Variants in MACF1 observed in about 807,000 individuals in gnomAD.
MACF1 encodes the protein microtubule-actin cross-linking factor 1.
Under a neutral mutation model 854.8 loss-of-function variants are expected in MACF1, and 193 were observed. The ratio of observed to expected loss-of-function variants is 0.23; its 90% CI spans 0.20 to 0.25. The LOEUF (loss-of-function observed/expected upper bound fraction) is 0.25, where lower values mean the gene tolerates loss of function less well. MACF1 is among the 10% of genes least tolerant of loss of function. The pLI is 1.00. For synonymous variants in MACF1, 3,185 were observed against 3,226.7 expected (o/e 0.99, Z 0.44); for missense variants, 7,722 against 8,929.1 (o/e 0.86, Z 5.45).
At chr1:39,417,420 A>G (rs1462197790) in intron 58 of MACF1, among the ~76,000 whole-genome samples, 1 of 152,202 alleles carries the variant, frequency 6.6e-6, no homozygotes, top group East Asian at 1.9e-4. Flanking sequence ...TTAAGCAAAA[A>G]TTGGAGAGCA....
Position 39,468,655 on chromosome 1 carries a change from G to T in MACF1, c.21812G>T (p.Arg7271Leu). 2 of 1,614,134 alleles carry T rather than the reference G, an allele frequency of 1.2e-6. No homozygotes were observed. Among genetic ancestry groups the T allele is most frequent in the Non-Finnish European group, 1.7e-6 (2 of 1,180,026 alleles). The change falls in exon 96 of 101, where the codon CGC (arginine) becomes CTC (leucine). Residue 7271 changes from arginine (R) to leucine (L), a missense_variant. Around this residue, in one of 15 missense-constraint regions of MACF1, gnomAD observed 153 missense variants for 342.5 expected, o/e 0.45. Transcript: ENST00000564288. ...SQQLRLVRIL[R>L]STVMVRVGGG... ...CAGTTGCGGCTGGTCCGTATTCTGC[G>T]CAGCACCGTGATGGTTCGCGTTGGT...
At chr1:39,398,498 C>T (rs576054670) in intron 58 of MACF1, among the ~76,000 whole-genome samples, 77 of 151,906 alleles carry the variant, frequency 5.1e-4, no homozygotes, top group African/African-American at 1.5e-3. Context: ...GTAAGTGCTG[C>T]GAAACAACCT....
At chr1:39,404,858 TGAA>T (rs1642632363) in intron 58 of MACF1, among the ~76,000 whole-genome samples, 1 of 152,306 alleles carries the variant, frequency 6.6e-6, no homozygotes. Context: ...TCTGTATATC[TGAA>T]ATCCTAATGA....
intron 2 of MACF1, among the ~76,000 whole-genome samples, chr1:39,171,325 A>G (rs1643946069): frequency 6.6e-6 from 1 of 151,938 alleles, no homozygotes; most frequent in African/African-American, 2.4e-5. Context: ...TGTACAGTTC[A>G]TTGACATTAA....
chr1:39,266,811 A>G (rs1468948461), intron 6 of MACF1, among the ~76,000 whole-genome samples: 1 of 152,040 alleles, frequency 6.6e-6, no homozygotes, highest in Admixed American at 6.5e-5. Context: ...GTCTTTTCCC[A>G]TATAGCAGAT....
At position 39,310,871 on chromosome 1, in the gene MACF1, G is replaced by A; in HGVS notation, c.3141G>A (p.Glu1047=). ...CTGTGGCCAAGATGTACATTTCAGAGTTGAAGAACATCCGGCTACGCCTGG... is the reference window on the plus strand; with the variant it reads ...CTGTGGCCAAGATGTACATTTCAGAATTGAAGAACATCCGGCTACGCCTGG... ...EETVAKMYIS[E]LKNIRLRLEE... is the part of the protein sequence containing the mutation. The change falls in exon 26 of 101, where the codon GAG becomes GAA. Residue 1047 remains glutamate, a synonymous_variant. Coordinates refer to ENST00000564288, the MANE Select transcript of MACF1 (RefSeq NM_001394062.1). 2 of 1,614,030 alleles carry A rather than the reference G, an allele frequency of 1.2e-6. No homozygotes were observed. The highest frequency in any genetic ancestry group is 1.7e-6 in the Non-Finnish European group (2 of 1,179,956).
At chr1:39,355,373 A>AT (rs1647450572) in intron 44 of MACF1, among the ~76,000 whole-genome samples, 2 of 151,902 alleles carry the variant, frequency 1.3e-5, no homozygotes, top group South Asian at 4.2e-4. Context: ...CCTAGGTGAT[A>AT]TACAGACAAG....
intron 2 of MACF1, among the ~76,000 whole-genome samples, chr1:39,238,065 G>A (rs780741484): frequency 1.5e-4 from 23 of 152,104 alleles, no homozygotes; most frequent in Non-Finnish European, 3.2e-4. Flanking sequence ...CCCTAAAAAC[G>A]ACTTCTCATG....
rs1645100630 is a variant in MACF1, at chr1:39,486,356, A to G, written c.*562A>G. On this transcript the variant is annotated 3_prime_UTR_variant, in exon 101 of 101. Transcript: ENST00000564288. ...GGAACCTCATCTAAGTAACATTTGC[A>G]CATGATACAGCAAAAGGAGTTCATT... is the stretch of plus-strand genomic sequence containing the variant. 6.5e-6 allele frequency: 1 copy of G among 152,692 alleles called. No individual in the cohort carries two copies. Among genetic ancestry groups the G allele is most frequent in the Non-Finnish European group, 1.5e-5 (1 of 68,046 alleles). 9.5% of individuals were successfully genotyped at this position (152,692 alleles called of 1,614,324 possible). A position where few individuals can be genotyped will look rare whatever the true frequency, so the allele number is the denominator to read the frequency against.
chr1:39,094,066 C>T (rs376791824), intron 2 of MACF1, among the ~76,000 whole-genome samples: 42 of 152,254 alleles, frequency 2.8e-4, no homozygotes, highest in Admixed American at 1.8e-3. Context: ...GCGTGAGCCA[C>T]GGTGCCCAGC....
At chr1:39,337,425 C>T (rs763102340) in intron 38 of MACF1, 94 bp downstream of exon 38, 5 of 1,290,024 alleles carry the variant, frequency 3.9e-6, no homozygotes, top group Non-Finnish European at 5.4e-6. Context: ...AACCTGCTTG[C>T]ACTCTATTCT....
chr1:39,315,688 A>C lies in MACF1; in HGVS notation c.3446A>C (p.Asn1149Thr), dbSNP rs770097340. 3 of 1,613,358 alleles carry C rather than the reference A, an allele frequency of 1.9e-6. No homozygotes were observed. The highest frequency in any genetic ancestry group is 1.7e-4 in the Middle Eastern group (1 of 6,014). Residue 1149 changes from asparagine (N) to threonine (T), a missense_variant, in exon 27 of 101, where the codon AAT becomes ACT. Asn to Thr is a moderately conservative substitution (Grantham distance 65). Transcript: ENST00000564288. ...TATGGTCTCTCTACTGTATATCTGAATAAGTGAGTGAGCTGAGGTTTTGGG... is the reference window on the plus strand; with the variant it reads ...TATGGTCTCTCTACTGTATATCTGACTAAGTGAGTGAGCTGAGGTTTTGGG... ...HVYGLSTVYL[N>T]KLKTVDVIVR...
chr1:39,251,915 C>A lies in MACF1; in HGVS notation c.331C>A (p.Gln111Lys). Residue 111 changes from glutamine (Q) to lysine (K), a missense_variant, in exon 4 of 101, where the codon CAG (glutamine) becomes AAG (lysine). Gln to Lys is a moderately conservative substitution (Grantham distance 53). This residue lies in a region of MACF1 where 82 missense variants were observed against 84.0 expected (regional missense o/e 0.98). Coordinates refer to ENST00000564288, the MANE Select transcript of MACF1 (RefSeq NM_001394062.1). ...CTGGTGCCATACAAACAACGAGGAG[C>A]AGGCGGAGGAAGATGATGATGATGT... ...PSWCHTNNEEQAEEDDDDVPR... is the reference protein window; with the variant it reads ...PSWCHTNNEEKAEEDDDDVPR... 1 of 1,517,936 alleles carries A rather than the reference C, an allele frequency of 6.6e-7. No individual in the cohort carries two copies. Among genetic ancestry groups the A allele is most frequent in the African/African-American group, 1.4e-5 (1 of 72,270 alleles). 94.0% of individuals were successfully genotyped at this position (1,517,936 alleles called of 1,614,324 possible). A position where few individuals can be genotyped will look rare whatever the true frequency, so the allele number is the denominator to read the frequency against.
chr1:39,201,016 C>T (rs1644384014), upstream of MACF1, among the ~76,000 whole-genome samples: 1 of 152,186 alleles, frequency 6.6e-6, no homozygotes, highest in Non-Finnish European at 1.5e-5. Context: ...AACAGACAGC[C>T]ACAGCCACCA....
At chr1:39,254,467 C>G (rs1169841066) in intron 5 of MACF1, 92 bp downstream of exon 5, 1 of 1,085,584 alleles carries the variant, frequency 9.2e-7, no homozygotes, top group African/African-American at 1.5e-5. Context: ...AGTAAGCTCT[C>G]AGTAAATGCT....
intron 2 of MACF1, among the ~76,000 whole-genome samples, chr1:39,116,407 C>A (rs150912149): frequency 5.0e-5 from 7 of 140,406 alleles, no homozygotes; most frequent in Non-Finnish European, 1.1e-4. Context: ...TGTGTGTGCA[C>A]GTGTGTGTGT....
chr1:39,106,394 C>T (rs554994259), intron 2 of MACF1, among the ~76,000 whole-genome samples: 59 of 152,286 alleles, frequency 3.9e-4, no homozygotes, highest in African/African-American at 1.3e-3. Flanking sequence ...GACACTTCTG[C>T]AAGTTAATGC....
chr1:39,125,275 G>A (rs1256495922), intron 2 of MACF1, among the ~76,000 whole-genome samples: 1 of 152,180 alleles, frequency 6.6e-6, no homozygotes, highest in Non-Finnish European at 1.5e-5. Context: ...GTTCAAGCAG[G>A]TTGGTGTCAT....
In MACF1 at chr1:39,429,345, C is replaced by T. The variant is rs753947460; in HGVS notation, c.16888+19C>T. The T allele has an allele frequency of 1.3e-5, 18 of 1,374,142 alleles. No individual in the cohort carries two copies. In the African/African-American group the frequency reaches 1.7e-4, roughly 13 times the overall value. The allele number at this position is 1,374,142 out of a possible 1,614,324, so 85.1% of individuals were successfully genotyped here. A position where few individuals can be genotyped will look rare whatever the true frequency, so the allele number is the denominator to read the frequency against. On this transcript the variant is annotated intron_variant, in intron 64 of 100. Transcript: ENST00000564288. ...ACCACAGGTACTTTGAAAAGTGTGT[C>T]TCTTAGCACCCCTATGGTCTCAAAG...
Sources: allele counts gnomAD v4.1 joint callset (sites outside exome capture counted in the v4.1 genomes callset), GRCh38; gene constraint gnomAD v4.1.1; regional missense constraint gnomAD v4.1.1; transcripts MANE v1.5; gene names NCBI Gene and HGNC (gene_info 2026-07-23, HGNC 2026-07-21).